The following NEK10 variants were observed in gnomAD, a reference collection of about 807,000 sequenced individuals.
The protein encoded by NEK10 is NIMA related kinase 10.
In NEK10, 122 loss-of-function variants were observed where a neutral mutation model predicts 159.8. The observed-to-expected ratio is 0.76, with a 90% CI of 0.66 to 0.89. The LOEUF (loss-of-function observed/expected upper bound fraction) is 0.89, where lower values mean the gene tolerates loss of function less well. Among genes scored for constraint, NEK10 ranks in the 40% least tolerant of loss-of-function variants. NEK10 has a pLI of 0.00. For missense variants in NEK10, 1,342 were observed against 1,323.1 expected (o/e 1.01, Z -0.22); for synonymous variants, 466 against 457.1 (o/e 1.02, Z -0.25).
chr3:27,273,553 A>T (rs997997864), intron 22 of NEK10, among the ~76,000 whole-genome samples: 4 of 152,230 alleles, frequency 2.6e-5, no homozygotes, highest in African/African-American at 9.6e-5. Flanking sequence ...TGCTCAAGGG[A>T]TGTAGCTATG....
intron 23 of NEK10, among the ~76,000 whole-genome samples, chr3:27,237,306 A>G (rs1954038756): frequency 6.6e-6 from 1 of 152,222 alleles, no homozygotes; most frequent in Admixed American, 6.5e-5. Flanking sequence ...GGTGACGTAC[A>G]TTCTCAGCTT....
intron 15 of NEK10, among the ~76,000 whole-genome samples, chr3:27,295,004 C>T (rs2043253088): frequency 6.6e-6 from 1 of 151,902 alleles, no homozygotes; most frequent in Non-Finnish European, 1.5e-5. Context: ...CTCAGCTCTC[C>T]CAACACCCAC....
In NEK10 at chr3:27,284,767, T is replaced by G. The variant is rs1451428460; in HGVS notation, c.1912-63A>C. The G allele has an allele frequency of 2.0e-6, 3 of 1,512,430 alleles. No individual in the cohort carries two copies. The African/African-American group carries it at 4.1e-5, about 21-fold the overall frequency. The allele number at this position is 1,512,430 out of a possible 1,614,324, so 93.7% of individuals were successfully genotyped here. On this transcript the variant is annotated intron_variant, in intron 21 of 35. Transcript: ENST00000691995. The stretch of plus-strand genomic sequence containing the variant: ...CAACATACATATAGCCAAAGATGAC[T>G]ACTGCACGTCTTTAAGAAGCCAGCT...
At chr3:27,213,230 G>A (rs1951175930) in intron 23 of NEK10, among the ~76,000 whole-genome samples, 1 of 152,062 alleles carries the variant, frequency 6.6e-6, no homozygotes, top group African/African-American at 2.4e-5. Context: ...CCAATTCTTT[G>A]TTCAAGATGC....
intron 8 of NEK10, chr3:27,311,232 T>G: frequency 2.6e-6 from 1 of 386,632 alleles, no homozygotes; most frequent in Non-Finnish European, 4.6e-6. Flanking sequence ...ATTATTGTAA[T>G]AATGAAATAT....
chr3:27,202,113 T>C (rs1950105814), intron 24 of NEK10, among the ~76,000 whole-genome samples: 1 of 152,164 alleles, frequency 6.6e-6, no homozygotes, highest in Admixed American at 6.5e-5. Flanking sequence ...ATCATGTCAC[T>C]GCACGCCAGC....
intron 31 of NEK10, among the ~76,000 whole-genome samples, chr3:27,140,429 C>A (rs1559504708): frequency 6.6e-6 from 1 of 152,192 alleles, no homozygotes; most frequent in Non-Finnish European, 1.5e-5. Flanking sequence ...TGACTGTTTA[C>A]TGGGGAAAAG....
intron 32 of NEK10, among the ~76,000 whole-genome samples, chr3:27,125,452 C>T (rs1575407148): frequency 6.6e-6 from 1 of 152,134 alleles, no homozygotes; most frequent in South Asian, 2.1e-4. Context: ...TTTCATCACT[C>T]TGCACTCGCC....
chr3:27,273,693 A>G (rs2041551095), intron 22 of NEK10, among the ~76,000 whole-genome samples: 1 of 152,166 alleles, frequency 6.6e-6, no homozygotes, highest in Non-Finnish European at 1.5e-5. Flanking sequence ...CCTCTATAAT[A>G]CTAGGCAATG....
chr3:27,184,215 G>A (rs1049265568), intron 26 of NEK10, among the ~76,000 whole-genome samples: 1 of 152,090 alleles, frequency 6.6e-6, no homozygotes, highest in Admixed American at 6.6e-5. Flanking sequence ...ACAAATTACG[G>A]TGTAGTCATA....
intron 30 of NEK10, among the ~76,000 whole-genome samples, chr3:27,148,243 G>C (rs776421241): frequency 1.3e-5 from 2 of 152,044 alleles, no homozygotes; most frequent in Non-Finnish European, 2.9e-5. Context: ...AGCCTTAGTT[G>C]TATCAACATT....
rs112128138 is a variant in NEK10, at chr3:27,109,158, C to T, written c.*2114G>A. Among the ~76,000 whole-genome samples the T allele has an allele frequency of 0.024, 3,708 of 152,222 alleles. 145 individuals carry two copies. The highest frequency in any genetic ancestry group is 0.084 in the African/African-American group (3,504 of 41,530). Reference sequence around the variant, plus strand: ...CTTTGGGAGGCCGAGGCAGGCAGATCACCTGAGGTCAGGAGTTTGAGACCA... The same window carrying T: ...CTTTGGGAGGCCGAGGCAGGCAGATTACCTGAGGTCAGGAGTTTGAGACCA... On this transcript the variant is annotated 3_prime_UTR_variant, in exon 36 of 36. Transcript: ENST00000691995.
intron 11 of NEK10, among the ~76,000 whole-genome samples, chr3:27,306,078 C>T (rs1373669683): frequency 6.6e-6 from 1 of 152,284 alleles, no homozygotes; most frequent in Non-Finnish European, 1.5e-5. Context: ...CTTATATCCC[C>T]GATCTTGACT....
rs146427228 is a variant in NEK10 at position 27,161,541 on chromosome 3, C to T, written c.2869+1160G>A. ...AATTAACCAATAGTAAAGTAGAACT[C>T]TATGCTCAAGAGTTGTATGCTCACA... is the stretch of plus-strand genomic sequence containing the variant. On this transcript the variant is annotated intron_variant, in intron 30 of 35. Coordinates refer to ENST00000691995, the MANE Select transcript of NEK10 (RefSeq NM_001394966.1). 5.2e-3 allele frequency among the ~76,000 whole-genome samples: 792 copies of T among 152,278 alleles called. 8 individuals are homozygous for T. The highest frequency in any genetic ancestry group is 0.019 in the African/African-American group (775 of 41,554).
rs747692971 is a variant in NEK10, at chr3:27,115,967, C to G, written c.3272G>C (p.Ser1091Thr). 7 of 1,613,014 alleles carry G rather than the reference C, an allele frequency of 4.3e-6. No individual in the cohort carries two copies. In the South Asian group the frequency reaches 6.6e-5, roughly 15 times the overall value. Reference protein sequence around the residue: ...QTVIEEVLEESGYYNFTSNRY... With the variant: ...QTVIEEVLEETGYYNFTSNRY... ...GTTAGATGTAAAATTGTAATAGCCA[C>G]TTTCCTCAAGGACTTCTTCAATCAC... The change falls in exon 35 of 36, where the codon AGT becomes ACT. Residue 1091 changes from serine (S) to threonine (T), a missense_variant. Transcript: ENST00000691995.
At chr3:27,205,946 C>T (rs927438924) in intron 23 of NEK10, among the ~76,000 whole-genome samples, 6 of 147,624 alleles carry the variant, frequency 4.1e-5, no homozygotes, top group African/African-American at 7.6e-5. Flanking sequence ...AGAAAATTTT[C>T]GCAACCTACT....
At chr3:27,120,139 A>C (rs971599246) in intron 32 of NEK10, among the ~76,000 whole-genome samples, 2 of 152,192 alleles carry the variant, frequency 1.3e-5, no homozygotes, top group African/African-American at 4.8e-5. Context: ...CAAAAGAAAA[A>C]TGAATATAAA....
intron 32 of NEK10, among the ~76,000 whole-genome samples, chr3:27,122,164 A>T (rs924061900): frequency 2.6e-5 from 4 of 152,050 alleles, no homozygotes; most frequent in African/African-American, 9.7e-5. Flanking sequence ...TGCTGTTGTC[A>T]TGATAGTGTG....
chr3:27,198,332 A>C (rs75951243), intron 25 of NEK10, among the ~76,000 whole-genome samples: 2 of 55,738 alleles, frequency 3.6e-5, no homozygotes, highest in African/African-American at 3.0e-4. Context: ...AATCCTAAGC[A>C]AAAAAAAAAA....
Sources: gnomAD v4.1 joint callset for allele counts (sites outside exome capture counted in the v4.1 genomes callset) on GRCh38, gnomAD v4.1.1 for gene constraint, MANE v1.5 for transcripts, NCBI Gene and HGNC (gene_info 2026-07-23, HGNC 2026-07-21) for gene names.